Variants in CDH18 observed in about 807,000 individuals in gnomAD.
CDH18 encodes the protein cadherin 18.
In CDH18, 31 loss-of-function variants were observed where a neutral mutation model predicts 67.9. That is an observed-to-expected ratio of 0.46 (90% CI 0.34 to 0.62). CDH18 has a LOEUF of 0.62. CDH18 is among the 20% of genes least tolerant of loss of function. The pLI is 0.01. For missense variants in CDH18, 890 were observed against 975.5 expected (o/e 0.91, Z 1.17); for synonymous variants, 362 against 347.2 (o/e 1.04, Z -0.48).
intron 2 of CDH18, among the ~76,000 whole-genome samples, chr5:19,980,665 T>A (rs1333287684): frequency 6.6e-6 from 1 of 152,174 alleles, no homozygotes; most frequent in African/African-American, 2.4e-5. Context: ...TCCAGGCCGT[T>A]ATGTTTTTAA....
At chr5:20,290,380 T>G (rs1315486889) in intron 1 of CDH18, among the ~76,000 whole-genome samples, 4 of 152,092 alleles carry the variant, frequency 2.6e-5, no homozygotes, top group Non-Finnish European at 5.9e-5. Flanking sequence ...CAGCTAGAAA[T>G]GTGTGTGAAG....
At chr5:19,910,507 T>C (rs1383865507) in intron 2 of CDH18, among the ~76,000 whole-genome samples, 1 of 152,220 alleles carries the variant, frequency 6.6e-6, no homozygotes, top group African/African-American at 2.4e-5. Context: ...TATAATGGAT[T>C]CACAAATGCA....
chr5:19,579,307 C>A (rs993047437), intron 7 of CDH18, among the ~76,000 whole-genome samples: 14 of 151,786 alleles, frequency 9.2e-5, no homozygotes, highest in African/African-American at 3.4e-4. Context: ...TTTTTCTGTT[C>A]CTTCTTTTTA....
At chr5:19,555,460 T>C (rs1285337586) in intron 8 of CDH18, among the ~76,000 whole-genome samples, 1 of 152,174 alleles carries the variant, frequency 6.6e-6, no homozygotes, top group Non-Finnish European at 1.5e-5. Context: ...CTGTTTGGGC[T>C]GTGGGCTGCA....
At chr5:19,789,768 T>G (rs529246694) in intron 3 of CDH18, among the ~76,000 whole-genome samples, 1 of 152,200 alleles carries the variant, frequency 6.6e-6, no homozygotes, top group South Asian at 2.1e-4. Context: ...TGTTTGCCAA[T>G]AGTAGTACTT....
At chr5:19,633,446 G>T (rs117780786) in intron 5 of CDH18, among the ~76,000 whole-genome samples, 1 of 152,062 alleles carries the variant, frequency 6.6e-6, no homozygotes, top group Non-Finnish European at 1.5e-5. Flanking sequence ...TATTCTCACC[G>T]ATGGCATGGT....
intron 4 of CDH18, among the ~76,000 whole-genome samples, chr5:19,744,503 T>TACACACAC (rs34059092): frequency 0.014 from 2,077 of 146,342 alleles, 32 homozygotes; most frequent in African/African-American, 0.046. Context: ...TAACTCAGTG[T>TACACACAC]ACACACACAC....
At chr5:20,337,139 T>A (rs2150036998) in intron 1 of CDH18, among the ~76,000 whole-genome samples, 1 of 152,346 alleles carries the variant, frequency 6.6e-6, no homozygotes, top group Admixed American at 6.5e-5. Context: ...CTTAATCAAT[T>A]CTACGCTATT....
At chr5:20,188,906 T>C (rs1470182510) in intron 2 of CDH18, among the ~76,000 whole-genome samples, 1 of 149,938 alleles carries the variant, frequency 6.7e-6, no homozygotes, top group African/African-American at 2.5e-5. Flanking sequence ...TTTGAACAGG[T>C]AATATTTTGA....
At chr5:20,388,963 T>G (rs1274298917) in intron 1 of CDH18, among the ~76,000 whole-genome samples, 2 of 152,198 alleles carry the variant, frequency 1.3e-5, no homozygotes, top group African/African-American at 4.8e-5. Context: ...AGGAGTGCTT[T>G]ACTTCCAACT....
At chr5:20,555,925 C>T (rs1328336158) in intron 1 of CDH18, among the ~76,000 whole-genome samples, 1 of 152,140 alleles carries the variant, frequency 6.6e-6, no homozygotes, top group East Asian at 1.9e-4. Context: ...CCATTATCCT[C>T]ACTGCTTTTC....
At chr5:19,506,438 T>C (rs1744175759) in intron 10 of CDH18, among the ~76,000 whole-genome samples, 1 of 151,724 alleles carries the variant, frequency 6.6e-6, no homozygotes, top group African/African-American at 2.4e-5. Context: ...CAAAAAAGAG[T>C]CCACGTTTCC....
chr5:20,318,218 A>G (rs1339847998), intron 1 of CDH18, among the ~76,000 whole-genome samples: 1 of 152,220 alleles, frequency 6.6e-6, no homozygotes, highest in Non-Finnish European at 1.5e-5. Flanking sequence ...AATAAGTCAC[A>G]GGATCTTTAT....
chr5:20,486,317 A>C (rs1431366979), intron 1 of CDH18, among the ~76,000 whole-genome samples: 2 of 152,220 alleles, frequency 1.3e-5, no homozygotes, highest in Admixed American at 6.5e-5. Context: ...TGGTCTTACA[A>C]ATAATGACTG....
intron 2 of CDH18, among the ~76,000 whole-genome samples, chr5:20,003,903 CAAACAAACAAACAA>C (rs1025755169): frequency 6.6e-6 from 1 of 151,790 alleles, no homozygotes; most frequent in Non-Finnish European, 1.5e-5. Flanking sequence ...TCTCAAAAAA[CAAACAAACAAACAA>C]AAACAAACAA....
At chr5:19,787,545 G>A (rs6879744) in intron 3 of CDH18, among the ~76,000 whole-genome samples, 68,986 of 151,840 alleles carry the variant, frequency 0.45, 15,945 homozygotes, top group East Asian at 0.63. Context: ...ATATGCATGT[G>A]TTTCCATAGG....
chr5:19,788,703 A>G (rs938833961), intron 3 of CDH18, among the ~76,000 whole-genome samples: 1 of 152,206 alleles, frequency 6.6e-6, no homozygotes, highest in African/African-American at 2.4e-5. Context: ...TATAATGAAA[A>G]TATCCAAAAC....
chr5:20,461,908 C>T (rs1751290953), intron 1 of CDH18, among the ~76,000 whole-genome samples: 2 of 152,036 alleles, frequency 1.3e-5, no homozygotes, highest in South Asian at 4.1e-4. Flanking sequence ...GGCTTTCATG[C>T]ACTATTGGTG....
intron 1 of CDH18, among the ~76,000 whole-genome samples, chr5:20,553,129 A>C (rs896257893): frequency 1.5e-4 from 23 of 152,246 alleles, no homozygotes; most frequent in African/African-American, 5.3e-4. Context: ...ATATATTTTT[A>C]TTTTAGAAAT....
Sources: gnomAD v4.1 joint callset for allele counts (sites outside exome capture counted in the v4.1 genomes callset) on GRCh38, gnomAD v4.1.1 for gene constraint, MANE v1.5 for transcripts, NCBI Gene and HGNC (gene_info 2026-07-23, HGNC 2026-07-21) for gene names.